Variants in TENM2 observed in about 807,000 individuals in gnomAD.
The protein encoded by TENM2 is teneurin-2.
TENM2 carries 52 observed loss-of-function variants against 245.2 expected under a neutral mutation model. The observed-to-expected ratio is 0.21, with a 90% CI of 0.17 to 0.27. The LOEUF is 0.27. Among genes scored for constraint, TENM2 ranks in the 10% least tolerant of loss-of-function variants. The probability of loss-of-function intolerance (pLI) is 1.00; values close to 1 mark genes in which losing one functional copy is unlikely to be tolerated. For missense variants in TENM2, 3,046 were observed against 3,666.8 expected (o/e 0.83, Z 4.37); for synonymous variants, 1,363 against 1,438.9 (o/e 0.95, Z 1.19).
At chr5:167,377,082 C>T (rs549081017) in intron 2 of TENM2, among the ~76,000 whole-genome samples, 2 of 152,132 alleles carry the variant, frequency 1.3e-5, no homozygotes, top group Admixed American at 6.5e-5. Context: ...ATCTAAAAAA[C>T]TCATCTAATA....
intron 2 of TENM2, among the ~76,000 whole-genome samples, chr5:167,444,725 G>A (rs1037006730): frequency 2.0e-5 from 3 of 152,182 alleles, no homozygotes; most frequent in African/African-American, 7.2e-5. Context: ...ATGGGAATCT[G>A]TGTCTTTTCT....
the TENM2 span, among the ~76,000 whole-genome samples, chr5:167,234,445 A>G: frequency 6.6e-6 from 1 of 152,184 alleles, no homozygotes; most frequent in Non-Finnish European, 1.5e-5. Flanking sequence ...AAATGGCCAG[A>G]CTATGCTTTG....
At chr5:167,803,639 A>T (rs1765940188) in intron 2 of TENM2, among the ~76,000 whole-genome samples, 1 of 152,074 alleles carries the variant, frequency 6.6e-6, no homozygotes, top group Admixed American at 6.6e-5. Context: ...ACAGAGGCAT[A>T]AATACTTTGA....
chr5:167,950,365 C>T (rs934828031), intron 3 of TENM2, among the ~76,000 whole-genome samples: 11 of 152,088 alleles, frequency 7.2e-5, no homozygotes, highest in African/African-American at 2.4e-4. Flanking sequence ...AGAGTGAATA[C>T]ACAGGAAGGA....
chr5:167,760,249 A>C (rs954487386), intron 2 of TENM2, among the ~76,000 whole-genome samples: 3 of 152,220 alleles, frequency 2.0e-5, no homozygotes, highest in Admixed American at 6.5e-5. Flanking sequence ...CTCTTCTATC[A>C]TTAAATAGGG....
chr5:167,909,682 A>T (rs1428835473), intron 3 of TENM2, among the ~76,000 whole-genome samples: 3 of 152,228 alleles, frequency 2.0e-5, no homozygotes, highest in African/African-American at 7.2e-5. Context: ...AAGAGTTAGG[A>T]TTTGAACCCA....
chr5:167,716,919 TTATTTTATTTTATTTTATTTTATTC>T (rs1408924964), intron 2 of TENM2, among the ~76,000 whole-genome samples: 17 of 107,584 alleles, frequency 1.6e-4, no homozygotes, highest in African/African-American at 4.1e-4. Context: ...TTATTTTATT[TTATTTTATTTTATTTTATTTTATTC>T]TATTCTATTC....
intron 2 of TENM2, among the ~76,000 whole-genome samples, chr5:167,524,686 T>C (rs1256716526): frequency 6.6e-6 from 1 of 151,838 alleles, no homozygotes; most frequent in African/African-American, 2.4e-5. Context: ...TTCAAAAAAA[T>C]ACCAGAGGCA....
At chr5:168,179,295 C>A (rs1675292560) in intron 13 of TENM2, among the ~76,000 whole-genome samples, 1 of 152,200 alleles carries the variant, frequency 6.6e-6, no homozygotes, top group Non-Finnish European at 1.5e-5. Context: ...ATAGAACCCA[C>A]CACAAAGGGT....
chr5:167,439,866 A>G (rs571745528), intron 2 of TENM2, among the ~76,000 whole-genome samples: 1 of 152,362 alleles, frequency 6.6e-6, no homozygotes, highest in Admixed American at 6.5e-5. Flanking sequence ...GAATAAAATT[A>G]TAAATCACTA....
intron 7 of TENM2, among the ~76,000 whole-genome samples, chr5:168,077,469 G>A (rs1419572995): frequency 1.5e-4 from 22 of 151,598 alleles, no homozygotes; most frequent in Admixed American, 1.4e-3. Context: ...GGGTACATGT[G>A]CACAAAGTGC....
chr5:167,107,259 TGAAA>T, the TENM2 span, among the ~76,000 whole-genome samples: 35 of 139,568 alleles, frequency 2.5e-4, no homozygotes, highest in South Asian at 4.7e-3. Context: ...CGAAACTTCG[TGAAA>T]GAAAGAAAGA....
intron 12 of TENM2, chr5:168,130,410 T>C (rs1754472082): frequency 1.3e-5 from 2 of 152,170 alleles, no homozygotes; most frequent in African/African-American, 4.8e-5. Context: ...AAATATACTT[T>C]GAATACATAT....
At chr5:168,238,322 C>G (rs920728946) in intron 25 of TENM2, among the ~76,000 whole-genome samples, 1 of 136,550 alleles carries the variant, frequency 7.3e-6, no homozygotes, top group East Asian at 2.3e-4. Context: ...AAGACTGACC[C>G]GGAAAGAAAA....
At chr5:167,734,476 TAATATATGC>T (rs1261934823) in intron 2 of TENM2, among the ~76,000 whole-genome samples, 5 of 148,418 alleles carry the variant, frequency 3.4e-5, no homozygotes, top group Non-Finnish European at 7.4e-5. Flanking sequence ...TAATCATATA[TAATATATGC>T]AATATATTAT....
chr5:168,125,591 G>T (rs1482279527), intron 11 of TENM2, among the ~76,000 whole-genome samples: 1 of 152,096 alleles, frequency 6.6e-6, no homozygotes, highest in East Asian at 1.9e-4. Flanking sequence ...CCTGAGAAAG[G>T]TTCTGTTCAC....
intron 2 of TENM2, among the ~76,000 whole-genome samples, chr5:167,493,865 T>G (rs1277130648): frequency 1.3e-5 from 2 of 151,988 alleles, no homozygotes; most frequent in Non-Finnish European, 2.9e-5. Context: ...AACAAACACA[T>G]AAACAATATA....
At chr5:167,106,521 GT>G in the TENM2 span, among the ~76,000 whole-genome samples, 3 of 152,242 alleles carry the variant, frequency 2.0e-5, no homozygotes, top group Non-Finnish European at 4.4e-5. Flanking sequence ...GAATCAAAAA[GT>G]TTCTGATAGA....
intron 2 of TENM2, among the ~76,000 whole-genome samples, chr5:167,744,844 CA>C (rs952261734): frequency 1.3e-5 from 2 of 151,920 alleles, no homozygotes; most frequent in African/African-American, 4.8e-5. Context: ...CAAAACAAAA[CA>C]AAAAAACCGT....
Sources: allele counts gnomAD v4.1 joint callset (sites outside exome capture counted in the v4.1 genomes callset), GRCh38; gene constraint gnomAD v4.1.1; transcripts MANE v1.5; gene names NCBI Gene and HGNC (gene_info 2026-07-23, HGNC 2026-07-21).